Variants in ZNF148 observed in about 807,000 individuals in gnomAD.
ZNF148 encodes the protein zinc finger protein 148, also known as Beta-Enolase Repressor Factor-1.
Under a neutral mutation model 67.7 loss-of-function variants are expected in ZNF148, and 7 were observed. That is an observed-to-expected ratio of 0.10 (90% CI 0.06 to 0.19). ZNF148 has a LOEUF of 0.19. Ranked by LOEUF, ZNF148 falls within the 10% of genes least tolerant of loss-of-function variation. The probability of loss-of-function intolerance (pLI) is 1.00; values close to 1 mark genes in which losing one functional copy is unlikely to be tolerated. For missense variants in ZNF148, 583 were observed against 947.1 expected (o/e 0.62, Z 5.05); for synonymous variants, 333 against 330.7 (o/e 1.01, Z -0.08).
intron 1 of ZNF148, among the ~76,000 whole-genome samples, chr3:125,342,998 A>T (rs1258054357): frequency 2.0e-5 from 3 of 152,230 alleles, no homozygotes; most frequent in Admixed American, 6.5e-5. Context: ...TGGAATCCTA[A>T]ATAAAGGTTC....
At position 125,232,400 on chromosome 3, in the gene ZNF148, C is replaced by T; in HGVS notation, c.2326G>A (p.Asp776Asn). 1 of 1,612,720 alleles carries T rather than the reference C, an allele frequency of 6.2e-7. No homozygotes were observed. The highest frequency in any genetic ancestry group is 1.1e-5 in the South Asian group (1 of 91,046). The change falls in exon 9 of 9, where the codon GAT becomes AAT. Residue 776 changes from aspartate (D) to asparagine (N), a missense_variant. By Grantham distance (23) the Asp-to-Asn change is conservative. Coordinates refer to ENST00000360647, the MANE Select transcript of ZNF148 (RefSeq NM_021964.3). This position sits in a 1 kb window ranked among gnomAD's most constrained non-coding sequence, Gnocchi z 4.2. ...FSEFPLVNVN[D>N]NRAGMTSSPD... ...GAAGATGTCATCCCAGCTCTATTAT[C>T]ATTTACATTCACCAAGGGAAATTCT...
At chr3:125,306,915 T>G (rs1198338563) in intron 4 of ZNF148, among the ~76,000 whole-genome samples, 2 of 152,164 alleles carry the variant, frequency 1.3e-5, no homozygotes, top group Non-Finnish European at 2.9e-5. Flanking sequence ...AACTCTAGAT[T>G]AGCTTTACTG....
At chr3:125,324,382 T>C (rs1231917688) in intron 2 of ZNF148, among the ~76,000 whole-genome samples, 1 of 152,138 alleles carries the variant, frequency 6.6e-6, no homozygotes, top group Non-Finnish European at 1.5e-5. Flanking sequence ...ATTATGGTTA[T>C]AAAATCAGCA....
chr3:125,239,105 G>A (rs1011575247), intron 7 of ZNF148, among the ~76,000 whole-genome samples: 2 of 152,190 alleles, frequency 1.3e-5, no homozygotes, highest in South Asian at 4.1e-4. Context: ...GACTGAAGAA[G>A]AGGGGAAAAG....
intron 4 of ZNF148, among the ~76,000 whole-genome samples, chr3:125,296,961 A>G (rs1299924618): frequency 3.9e-5 from 6 of 152,068 alleles, no homozygotes. Context: ...ATAGAAAAAA[A>G]AACAAAAAAA....
chr3:125,264,407 C>T (rs974630870), intron 7 of ZNF148, among the ~76,000 whole-genome samples: 2 of 152,142 alleles, frequency 1.3e-5, no homozygotes, highest in South Asian at 2.1e-4. Flanking sequence ...CGGCTGGTGT[C>T]CAAAGAGTTG....
intron 1 of ZNF148, among the ~76,000 whole-genome samples, chr3:125,373,807 G>A (rs1372864145): frequency 6.6e-6 from 1 of 152,116 alleles, no homozygotes; most frequent in African/African-American, 2.4e-5. Context: ...ACAGATTTAT[G>A]GAACCAATCC....
intron 1 of ZNF148, among the ~76,000 whole-genome samples, chr3:125,353,404 T>C (rs865963918): frequency 2.6e-5 from 4 of 152,076 alleles, no homozygotes; most frequent in South Asian, 2.1e-4. Context: ...ATAAAATTGC[T>C]AGAACTGTGA....
At chr3:125,348,081 G>C (rs9824581) in intron 1 of ZNF148, among the ~76,000 whole-genome samples, 24 of 151,478 alleles carry the variant, frequency 1.6e-4, no homozygotes, top group Admixed American at 2.6e-4. Context: ...ATGGCAAAAC[G>C]TCATTTCTAC....
chr3:125,236,567 T>G (rs1936101544), intron 7 of ZNF148, among the ~76,000 whole-genome samples: 2 of 152,124 alleles, frequency 1.3e-5, no homozygotes, highest in African/African-American at 4.8e-5. Flanking sequence ...ACTCTAAGTG[T>G]TTAGATACTA....
At chr3:125,256,819 T>G (rs1402856686) in intron 7 of ZNF148, among the ~76,000 whole-genome samples, 1 of 152,192 alleles carries the variant, frequency 6.6e-6, no homozygotes, top group East Asian at 1.9e-4. Flanking sequence ...GTCCCATGTC[T>G]CTTTCTCTGT....
At chr3:125,299,374 T>C (rs1939463875) in intron 4 of ZNF148, among the ~76,000 whole-genome samples, 1 of 152,148 alleles carries the variant, frequency 6.6e-6, no homozygotes, top group Non-Finnish European at 1.5e-5. Context: ...GTTATTAAAG[T>C]CAGCTGGAAA....
At position 125,296,016 on chromosome 3, in the gene ZNF148, T is replaced by C. The variant is rs370015858; in HGVS notation, c.334-7788A>G. On this transcript the variant is annotated intron_variant, in intron 4 of 8. Coordinates refer to ENST00000360647, the MANE Select transcript of ZNF148 (RefSeq NM_021964.3). ...AAATATCTCTACGTAGACATCTTGA[T>C]ATCTAAAACTCAATATGCCAAAAAA... is the stretch of plus-strand genomic sequence containing the variant. Among the ~76,000 whole-genome samples the C allele has an allele frequency of 2.3e-4, 31 of 134,748 alleles. No individual in the cohort carries two copies. The East Asian group carries it at 2.4e-3, about 10-fold the overall frequency. 88.4% of individuals were successfully genotyped at this position (134,748 alleles called of 152,430 possible).
chr3:125,345,825 C>T (rs1325016125), intron 1 of ZNF148, among the ~76,000 whole-genome samples: 2 of 151,780 alleles, frequency 1.3e-5, no homozygotes, highest in East Asian at 3.9e-4. Context: ...AATTTAAAAG[C>T]CCCCCCAACT....
At chr3:125,241,926 G>A (rs189839773) in intron 7 of ZNF148, among the ~76,000 whole-genome samples, 94 of 152,278 alleles carry the variant, frequency 6.2e-4, no homozygotes, top group African/African-American at 2.2e-3. Context: ...CAAACTTTCT[G>A]ATGACTACAT....
chr3:125,289,604 A>G (rs1308826314), intron 4 of ZNF148, among the ~76,000 whole-genome samples: 16 of 152,290 alleles, frequency 1.1e-4, no homozygotes, highest in Admixed American at 6.5e-4. Flanking sequence ...CTGAAAAACA[A>G]TAACTGGGAA....
Position 125,232,742 on chromosome 3 carries a change from C to T in ZNF148, c.1984G>A (p.Gly662Arg), listed in dbSNP as rs1432863040. Residue 662 changes from glycine to arginine, a missense_variant, in exon 9 of 9, where the codon GGA becomes AGA. Physicochemically the swap from Gly to Arg is moderately radical, Grantham distance 125 (BLOSUM62 -2). Around this residue, in one of 5 missense-constraint regions of ZNF148, gnomAD observed 158 missense variants for 208.4 expected, o/e 0.76. Coordinates refer to ENST00000360647, the MANE Select transcript of ZNF148 (RefSeq NM_021964.3). The surrounding 1 kb of genome is among the most constrained non-coding windows in gnomAD (Gnocchi z 4.2). ...GTTGTTCTTAGTGGAGAATTCATTC[C>T]TGATCGAAAGCTATTGATGGGCATG... is the stretch of plus-strand genomic sequence containing the variant. ...ATMPINSFRS[G>R]MNSPLRTTPD... 2 of 1,613,684 alleles carry T rather than the reference C, an allele frequency of 1.2e-6. No homozygotes were observed. Among genetic ancestry groups the T allele is most frequent in the Admixed American group, 3.3e-5 (2 of 59,970 alleles).
intron 7 of ZNF148, among the ~76,000 whole-genome samples, chr3:125,240,485 C>G (rs989380180): frequency 6.6e-6 from 1 of 152,076 alleles, no homozygotes; most frequent in Non-Finnish European, 1.5e-5. Context: ...AAAAGTCAAC[C>G]AGGTGTGCTG....
chr3:125,372,826 G>A (rs1942933872), intron 1 of ZNF148, among the ~76,000 whole-genome samples: 1 of 151,928 alleles, frequency 6.6e-6, no homozygotes, highest in African/African-American at 2.4e-5. Context: ...ATTAGCCAGG[G>A]GTGGCGGCAG....
Sources: allele counts gnomAD v4.1 joint callset (sites outside exome capture counted in the v4.1 genomes callset), GRCh38; gene constraint gnomAD v4.1.1; regional missense constraint gnomAD v4.1.1; non-coding constraint Gnocchi (gnomAD v3.1); transcripts MANE v1.5; gene names NCBI Gene and HGNC (gene_info 2026-07-23, HGNC 2026-07-21).